KIF18A: variants seen among roughly 807,000 people sequenced by gnomAD.
KIF18A encodes the protein kinesin-like protein KIF18A.
KIF18A carries 67 observed loss-of-function variants against 103.3 expected under a neutral mutation model. That is an observed-to-expected ratio of 0.65 (90% CI 0.53 to 0.79). The LOEUF is 0.79. Among genes scored for constraint, KIF18A ranks in the 30% least tolerant of loss-of-function variants. The pLI, the probability that KIF18A is intolerant of heterozygous loss-of-function variation, is 0.00. For synonymous variants in KIF18A, 367 were observed against 355.5 expected (o/e 1.03, Z -0.36); for missense variants, 1,032 against 1,062.5 (o/e 0.97, Z 0.40).
At chr11:28,093,322 AATG>A (rs1315727180) in intron 3 of KIF18A, among the ~76,000 whole-genome samples, 1 of 152,174 alleles carries the variant, frequency 6.6e-6, no homozygotes, top group Non-Finnish European at 1.5e-5. Flanking sequence ...TATAAGTTCT[AATG>A]AAGAAATTTT....
At chr11:28,089,047 T>C (rs1056730536) in intron 5 of KIF18A, among the ~76,000 whole-genome samples, 20 of 152,182 alleles carry the variant, frequency 1.3e-4, no homozygotes, top group African/African-American at 3.6e-4. Context: ...ACAGGTCCTA[T>C]AGAAATAACG....
intron 3 of KIF18A, among the ~76,000 whole-genome samples, chr11:28,092,747 T>A (rs1851322327): frequency 6.6e-6 from 1 of 152,226 alleles, no homozygotes; most frequent in Non-Finnish European, 1.5e-5. Flanking sequence ...ATAGTGATAA[T>A]TCATTGCTGG....
At chr11:28,046,394 T>C (rs1338756670) in intron 13 of KIF18A, among the ~76,000 whole-genome samples, 1 of 148,648 alleles carries the variant, frequency 6.7e-6, no homozygotes, top group Admixed American at 6.7e-5. Context: ...ATGTCCTTTG[T>C]AGGGACATGG....
At chr11:28,075,651 T>C (rs1350257891) in intron 10 of KIF18A, among the ~76,000 whole-genome samples, 2 of 152,120 alleles carry the variant, frequency 1.3e-5, no homozygotes, top group Non-Finnish European at 2.9e-5. Context: ...GATTTGGGAG[T>C]TCTGTCATAT....
chr11:28,037,797 C>T (rs1011762999), intron 13 of KIF18A, among the ~76,000 whole-genome samples: 1 of 151,564 alleles, frequency 6.6e-6, no homozygotes, highest in East Asian at 1.9e-4. Context: ...CTTTCTCAGC[C>T]TTATCTGATA....
intron 1 of KIF18A, among the ~76,000 whole-genome samples, chr11:28,103,916 T>C (rs1851474980): frequency 1.3e-5 from 2 of 152,170 alleles, no homozygotes; most frequent in African/African-American, 4.8e-5. Context: ...ATTTTCATCA[T>C]TAAGTGTGGT....
At chr11:28,030,679 A>G (rs1850387229) in intron 15 of KIF18A, among the ~76,000 whole-genome samples, 1 of 151,408 alleles carries the variant, frequency 6.6e-6, no homozygotes, top group Admixed American at 6.6e-5. Context: ...AAATTGACAA[A>G]TGGGATCTAA....
chr11:28,028,744 G>A (rs936728825), intron 15 of KIF18A, among the ~76,000 whole-genome samples: 13 of 151,912 alleles, frequency 8.6e-5, no homozygotes, highest in South Asian at 2.1e-4. Flanking sequence ...CCAGGAGCTG[G>A]TTTTTTGAAA....
intron 3 of KIF18A, among the ~76,000 whole-genome samples, chr11:28,094,358 A>G (rs1851339951): frequency 1.3e-5 from 2 of 152,164 alleles, no homozygotes; most frequent in African/African-American, 4.8e-5. Context: ...AAATGTATAC[A>G]CACACATAGA....
intron 16 of KIF18A, among the ~76,000 whole-genome samples, chr11:28,022,778 C>T (rs1374915095): frequency 1.3e-5 from 2 of 152,140 alleles, no homozygotes; most frequent in African/African-American, 2.4e-5. Context: ...CTGTCTGATG[C>T]TTCAATTTCC....
At chr11:28,061,292 T>C (rs1850853298) in intron 12 of KIF18A, among the ~76,000 whole-genome samples, 1 of 152,200 alleles carries the variant, frequency 6.6e-6, no homozygotes, top group South Asian at 2.1e-4. Context: ...AGCGTAAGGT[T>C]ATATTGCTCA....
intron 13 of KIF18A, among the ~76,000 whole-genome samples, chr11:28,043,130 T>C (rs1850582633): frequency 6.6e-6 from 1 of 151,908 alleles, no homozygotes; most frequent in African/African-American, 2.4e-5. Flanking sequence ...AAAGTAGCGC[T>C]AAGAGGCTCT....
chr11:28,061,350 T>C (rs1327987261), intron 12 of KIF18A, among the ~76,000 whole-genome samples: 2 of 152,168 alleles, frequency 1.3e-5, no homozygotes, highest in East Asian at 3.8e-4. Flanking sequence ...CTCTTTCTTC[T>C]ATGCTACATT....
chr11:28,058,170 C>T (rs1028209720), intron 13 of KIF18A, among the ~76,000 whole-genome samples: 1 of 152,006 alleles, frequency 6.6e-6, no homozygotes, highest in African/African-American at 2.4e-5. Context: ...AAATGTCTCA[C>T]ACATACTTTT....
At chr11:28,106,958 G>A (rs1565094784) in intron 1 of KIF18A, among the ~76,000 whole-genome samples, 1 of 152,162 alleles carries the variant, frequency 6.6e-6, no homozygotes, top group South Asian at 2.1e-4. Flanking sequence ...ACCACAGAGC[G>A]AGACTCTGTC....
intron 13 of KIF18A, among the ~76,000 whole-genome samples, chr11:28,038,073 A>C (rs1850517322): frequency 6.6e-6 from 1 of 151,504 alleles, no homozygotes; most frequent in South Asian, 2.1e-4. Context: ...GCTTATAGTT[A>C]AAACATAATT....
intron 15 of KIF18A, among the ~76,000 whole-genome samples, chr11:28,033,815 C>A (rs1850443941): frequency 1.3e-5 from 2 of 150,938 alleles, no homozygotes; most frequent in Admixed American, 6.6e-5. Context: ...TAACTACAGT[C>A]AACAATAATG....
In KIF18A at chr11:28,088,566, A is replaced by G. The variant is rs1851262155; in HGVS notation, c.855T>C (p.Leu285=). 5 of 1,613,928 alleles carry G rather than the reference A, an allele frequency of 3.1e-6. No individual in the cohort carries two copies. ...CATTGATGACATTCCCAAGAGCTAA[A>G]AGTGATCTATTAATATTTGTGCCTT... is the stretch of plus-strand genomic sequence containing the variant. ...FVEGTNINRS[L]LALGNVINAL... Residue 285 remains leucine, a synonymous_variant, in exon 6 of 17, where the codon CTT becomes CTC. Transcript: ENST00000263181.
At chr11:28,077,855 C>G (rs1851115421) in intron 9 of KIF18A, among the ~76,000 whole-genome samples, 1 of 152,104 alleles carries the variant, frequency 6.6e-6, no homozygotes, top group South Asian at 2.1e-4. Context: ...CAATGTAGGT[C>G]TAGAATATCA....
Sources: gnomAD v4.1 joint callset for allele counts (sites outside exome capture counted in the v4.1 genomes callset) on GRCh38, gnomAD v4.1.1 for gene constraint, MANE v1.5 for transcripts, NCBI Gene and HGNC (gene_info 2026-07-23, HGNC 2026-07-21) for gene names.